WFDC1: variants seen among roughly 807,000 people sequenced by gnomAD.
WFDC1 encodes WAP four-disulfide core domain protein 1.
Under a neutral mutation model 32.9 loss-of-function variants are expected in WFDC1, and 39 were observed. The ratio of observed to expected loss-of-function variants is 1.19; its 90% CI spans 0.92 to 1.55. The LOEUF (loss-of-function observed/expected upper bound fraction) is 1.55, where lower values mean the gene tolerates loss of function less well. Among genes scored for constraint, WFDC1 ranks in the 40% most tolerant of loss-of-function variants. The pLI, the probability that WFDC1 is intolerant of heterozygous loss-of-function variation, is 0.00. For missense variants in WFDC1, 386 were observed against 309.5 expected, an observed-to-expected ratio of 1.25 and a Z score of -1.85; for synonymous variants, 184 against 137.4, an observed-to-expected ratio of 1.34 and a Z score of -2.37.
intron 4 of WFDC1, among the ~76,000 whole-genome samples, chr16:84,321,305 C>T (rs978139618): frequency 4.6e-5 from 7 of 152,214 alleles, no homozygotes; most frequent in African/African-American, 7.2e-5. Context: ...ACAACCTTCA[C>T]TGTTTTATCA....
At chr16:84,326,558 G>T in intron 5 of WFDC1, 1 of 302,202 alleles carries the variant, frequency 3.3e-6, no homozygotes, top group African/African-American at 2.1e-5. Context: ...TCAGCCTAAA[G>T]AATAAGAAAT....
intron 1 of WFDC1, among the ~76,000 whole-genome samples, chr16:84,311,418 C>T (rs1019255265): frequency 4.7e-5 from 6 of 128,650 alleles, no homozygotes; most frequent in Non-Finnish European, 9.7e-5. Context: ...TTAGTAGAGA[C>T]GGGGTTTCAC....
intron 1 of WFDC1, among the ~76,000 whole-genome samples, chr16:84,297,882 A>C (rs1384985976): frequency 6.6e-6 from 1 of 152,124 alleles, no homozygotes; most frequent in Non-Finnish European, 1.5e-5. Context: ...TACGGATGAT[A>C]GGAAGCAGCC....
chr16:84,324,935 T>C (rs244789), intron 5 of WFDC1, among the ~76,000 whole-genome samples: 150,690 of 152,166 alleles, frequency 0.99, 74,636 homozygotes, highest in East Asian at 1. Context: ...ATTCTTTCAT[T>C]CATCTTCCTG....
chr16:84,319,171 G>T (rs923480269), intron 3 of WFDC1: 6 of 530,766 alleles, frequency 1.1e-5, no homozygotes, highest in Admixed American at 1.0e-4. Context: ...GGATGTTGCT[G>T]AGCCTGTGAG....
intron 1 of WFDC1, among the ~76,000 whole-genome samples, chr16:84,311,470 C>T (rs1483563212): frequency 1.3e-5 from 2 of 149,126 alleles, no homozygotes; most frequent in African/African-American, 2.5e-5. Context: ...CCTCATGATC[C>T]ACCTACCTTG....
intron 4 of WFDC1, among the ~76,000 whole-genome samples, chr16:84,323,467 G>C (rs1908420324): frequency 6.6e-6 from 1 of 152,162 alleles, no homozygotes; most frequent in South Asian, 2.1e-4. Context: ...GGGTAGCACG[G>C]CTAGTCATGG....
In WFDC1 at chr16:84,314,464, T is replaced by C. The variant is rs2151376121; in HGVS notation, c.337+1311T>C. On this transcript the variant is annotated intron_variant, in intron 2 of 6. Transcript: ENST00000219454. The stretch of plus-strand genomic sequence containing the variant: ...TTCCACGAGAGGCTGTGGGTTCCCA[T>C]GGGCCTTAATTAGGGAAGGCGGCTC... 2.0e-5 allele frequency among the ~76,000 whole-genome samples: 3 copies of C among 152,246 alleles called. No homozygotes were observed. The South Asian group carries it at 6.2e-4, about 32-fold the overall frequency.
intron 1 of WFDC1, among the ~76,000 whole-genome samples, chr16:84,308,826 T>C (rs946308351): frequency 2.6e-5 from 3 of 113,310 alleles, no homozygotes; most frequent in Non-Finnish European, 6.1e-5. Flanking sequence ...CCATCCTCAG[T>C]GTAGATGCCA....
intron 2 of WFDC1, among the ~76,000 whole-genome samples, chr16:84,315,838 T>C (rs976840032): frequency 1.3e-5 from 2 of 152,128 alleles, no homozygotes; most frequent in Non-Finnish European, 2.9e-5. Flanking sequence ...TGGATTTGGG[T>C]CTGTCCAAAG....
intron 4 of WFDC1, among the ~76,000 whole-genome samples, chr16:84,321,457 G>A (rs577097973): frequency 6.6e-6 from 1 of 152,320 alleles, no homozygotes; most frequent in African/African-American, 2.4e-5. Context: ...GAGCTGTGGG[G>A]CGAGTTGTGA....
intron 1 of WFDC1, among the ~76,000 whole-genome samples, chr16:84,311,674 G>A (rs1250588021): frequency 1.4e-5 from 2 of 138,648 alleles, no homozygotes; most frequent in Admixed American, 7.5e-5. Flanking sequence ...GACTACAGGA[G>A]AGAATGAGCA....
At chr16:84,297,617 C>CAAAAAAAAAA (rs150683526) in intron 1 of WFDC1, among the ~76,000 whole-genome samples, 4 of 69,464 alleles carry the variant, frequency 5.8e-5, no homozygotes, top group African/African-American at 1.7e-4. Context: ...AACTCTGTCT[C>CAAAAAAAAAA]AAAAAAAAAA....
At chr16:84,306,002 CAA>C (rs2151370484) in intron 1 of WFDC1, among the ~76,000 whole-genome samples, 1 of 109,372 alleles carries the variant, frequency 9.1e-6, no homozygotes, top group African/African-American at 3.5e-5. Flanking sequence ...GACCTTTTCT[CAA>C]AATAATAATA....
chr16:84,326,553 C>G (rs968502721), intron 5 of WFDC1: 5 of 283,530 alleles, frequency 1.8e-5, no homozygotes, highest in Non-Finnish European at 2.7e-5. Flanking sequence ...AAAGCTCAGC[C>G]TAAAGAATAA....
At chr16:84,306,363 G>A (rs183431348) in intron 1 of WFDC1, among the ~76,000 whole-genome samples, 2 of 152,252 alleles carry the variant, frequency 1.3e-5, no homozygotes, top group East Asian at 1.9e-4. Context: ...TGCCCCAAAG[G>A]ATGTGGAGGT....
intron 2 of WFDC1, 41 bp downstream of exon 2, chr16:84,313,194 C>G: frequency 7.2e-7 from 1 of 1,384,258 alleles, no homozygotes; most frequent in Non-Finnish European, 9.3e-7. Flanking sequence ...GGGAGGAGGA[C>G]AGGTGAACAG....
At chr16:84,323,204 G>A (rs78731399) in intron 4 of WFDC1, among the ~76,000 whole-genome samples, 7,720 of 152,262 alleles carry the variant, frequency 0.051, 334 homozygotes, top group African/African-American at 0.11. Context: ...TCCATGGAGC[G>A]TTAGCACCTT....
intron 2 of WFDC1, among the ~76,000 whole-genome samples, chr16:84,314,144 T>C (rs530478988): frequency 4.3e-4 from 66 of 152,178 alleles, no homozygotes; most frequent in Non-Finnish European, 2.8e-4. Context: ...GAGCAGATAA[T>C]GAGATGTGTG....
Sources: allele counts gnomAD v4.1 joint callset (sites outside exome capture counted in the v4.1 genomes callset), GRCh38; gene constraint gnomAD v4.1.1; transcripts MANE v1.5; gene names NCBI Gene and HGNC (gene_info 2026-07-23, HGNC 2026-07-21).